Variants in CERS3 observed in about 807,000 individuals in gnomAD.
CERS3 encodes ceramide synthase 3.
A neutral mutation model predicts 50.3 loss-of-function variants in CERS3; 33 were observed. That is an observed-to-expected ratio of 0.66 (90% CI 0.50 to 0.88). CERS3 has a LOEUF of 0.88. Among genes scored for constraint, CERS3 ranks in the 40% least tolerant of loss-of-function variants. The pLI is 0.00. For synonymous variants in CERS3, 176 were observed against 155.2 expected, an observed-to-expected ratio of 1.13 and a Z score of -0.99; for missense variants, 470 against 460.3, an observed-to-expected ratio of 1.02 and a Z score of -0.19.
At chr15:100,499,078 T>A (rs2035919161) in intron 3 of CERS3, among the ~76,000 whole-genome samples, 1 of 152,182 alleles carries the variant, frequency 6.6e-6, no homozygotes, top group Non-Finnish European at 1.5e-5. Context: ...ATGGACATAC[T>A]GCCCCATCAT....
chr15:100,542,508 T>C (rs2037224750), intron 1 of CERS3, among the ~76,000 whole-genome samples: 1 of 152,214 alleles, frequency 6.6e-6, no homozygotes, highest in African/African-American at 2.4e-5. Context: ...TGATCTATTC[T>C]TAGTGTGATA....
At chr15:100,533,476 T>G (rs78053164), upstream of CERS3, among the ~76,000 whole-genome samples, 5,910 of 152,044 alleles carry the variant, frequency 0.039, 167 homozygotes, top group South Asian at 0.11. Context: ...ACCAATTCAT[T>G]GGGTTCTTTT....
chr15:100,467,833 A>T lies in CERS3; in HGVS notation c.845+1545T>A, dbSNP rs938268069. Reference sequence around the variant, plus strand: ...CGTCTATATATATGTGTATATATATACGTGTATATATATATATATAGATAG... The same window carrying T: ...CGTCTATATATATGTGTATATATATTCGTGTATATATATATATATAGATAG... On this transcript the variant is annotated intron_variant, in intron 10 of 11. Transcript: ENST00000679737. 1.1e-4 allele frequency among the ~76,000 whole-genome samples: 13 copies of T among 121,924 alleles called. 1 individual carries two copies. The highest frequency in any genetic ancestry group is 2.1e-4 in the Non-Finnish European group (13 of 61,054). 80.0% of individuals were successfully genotyped at this position (121,924 alleles called of 152,430 possible). A position where few individuals can be genotyped will look rare whatever the true frequency, so the allele number is the denominator to read the frequency against.
At chr15:100,533,245 C>T (rs1306156488), upstream of CERS3, among the ~76,000 whole-genome samples, 1 of 152,208 alleles carries the variant, frequency 6.6e-6, no homozygotes, top group Non-Finnish European at 1.5e-5. Context: ...TCCACGTCAC[C>T]TGTCACCTTC....
Position 100,400,475 on chromosome 15 carries a change from C to T in CERS3, c.*2238G>A, listed in dbSNP as rs1294621579. 1 of 152,154 alleles carries T rather than the reference C, an allele frequency of 6.6e-6. No individual in the cohort carries two copies. Among genetic ancestry groups the T allele is most frequent in the African/African-American group, 2.4e-5 (1 of 41,422 alleles). 9.4% of individuals were successfully genotyped at this position (152,154 alleles called of 1,614,324 possible). A position where few individuals can be genotyped will look rare whatever the true frequency, so the allele number is the denominator to read the frequency against. ...GTGGACTGCATTTTTATAAGGTCAT[C>T]TGAAGAATCCTGAGCCCTTGTTTCC... On this transcript the variant is annotated 3_prime_UTR_variant, in exon 12 of 12. Coordinates refer to ENST00000679737, the MANE Select transcript of CERS3 (RefSeq NM_001378789.1).
chr15:100,422,764 G>C (rs2032533338), intron 11 of CERS3, among the ~76,000 whole-genome samples: 1 of 133,264 alleles, frequency 7.5e-6, no homozygotes, highest in Admixed American at 7.9e-5. Flanking sequence ...CATAAAAAAT[G>C]ATGAGTTCAT....
At chr15:100,440,867 T>G (rs907015435) in intron 11 of CERS3, among the ~76,000 whole-genome samples, 2 of 152,244 alleles carry the variant, frequency 1.3e-5, no homozygotes, top group African/African-American at 4.8e-5. Flanking sequence ...TAATTTCAAT[T>G]CCTTTCATTT....
intron 10 of CERS3, among the ~76,000 whole-genome samples, chr15:100,465,522 TCAGAGAC>T: frequency 6.6e-6 from 1 of 152,318 alleles, no homozygotes; most frequent in Non-Finnish European, 1.5e-5. Flanking sequence ...CATACTTCCT[TCAGAGAC>T]CATTGAAAAT....
chr15:100,424,425 A>G (rs1182734143), intron 11 of CERS3, among the ~76,000 whole-genome samples: 1 of 152,206 alleles, frequency 6.6e-6, no homozygotes, highest in Admixed American at 6.5e-5. Context: ...GGAATTTCCT[A>G]GAGACTTGTT....
intron 11 of CERS3, among the ~76,000 whole-genome samples, chr15:100,412,185 G>T (rs73470762): frequency 0.044 from 6,752 of 151,796 alleles, 268 homozygotes; most frequent in African/African-American, 0.099. Context: ...TAAATTATTT[G>T]CCCTATGTTT....
At chr15:100,433,651 C>T (rs983774726) in intron 11 of CERS3, among the ~76,000 whole-genome samples, 6 of 152,210 alleles carry the variant, frequency 3.9e-5, no homozygotes, top group African/African-American at 7.2e-5. Flanking sequence ...CAGCTACCCT[C>T]ACTCCCTCAC....
chr15:100,476,176 G>T lies in CERS3; in HGVS notation c.519C>A (p.Pro173=), dbSNP rs759891442. ...AGTACCAGTACTGGGATGGCAGCAG[G>T]GGCTGAGGAAAAGAAGAGTATTCAT... is the stretch of plus-strand genomic sequence containing the variant. The part of the protein sequence containing the change: ...WEVWNGYPKQ[P]LLPSQYWYYI... The change falls in exon 8 of 12, where the codon CCC becomes CCA. Residue 173 remains proline, a splice_region_variant and synonymous_variant. Transcript: ENST00000679737. 1 of 1,558,464 alleles carries T rather than the reference G, an allele frequency of 6.4e-7. No individual in the cohort carries two copies. Among genetic ancestry groups the T allele is most frequent in the South Asian group, 1.2e-5 (1 of 81,644 alleles).
chr15:100,500,798 G>T (rs1390465102), intron 3 of CERS3, among the ~76,000 whole-genome samples: 1 of 152,158 alleles, frequency 6.6e-6, no homozygotes, highest in Admixed American at 6.5e-5. Flanking sequence ...AAGAGTTCAT[G>T]AAACAGAGTT....
Position 100,494,210 on chromosome 15 carries a change from CATATATAT to C in CERS3, c.174-3287_174-3280del, listed in dbSNP as rs1170051830. On this transcript the variant is annotated intron_variant, in intron 3 of 11. Coordinates refer to ENST00000679737, the MANE Select transcript of CERS3 (RefSeq NM_001378789.1). Reference sequence around the variant, plus strand: ...TTTGCTTAGTCACCTTTTTTCTTTTCATATATATATATATATATATATATATATATATA... The same window carrying C: ...TTTGCTTAGTCACCTTTTTTCTTTTCATATATATATATATATATATATATA... Among the ~76,000 whole-genome samples, 464 of 78,076 alleles carry C rather than the reference CATATATAT, an allele frequency of 5.9e-3. 5 individuals carry two copies. Among genetic ancestry groups the C allele is most frequent in the African/African-American group, 0.025 (439 of 17,860 alleles). 51.2% of individuals were successfully genotyped at this position (78,076 alleles called of 152,430 possible).
chr15:100,442,657 A>G (rs2587812), intron 11 of CERS3, among the ~76,000 whole-genome samples: 150,082 of 151,996 alleles, frequency 0.99, 74,111 homozygotes, highest in Middle Eastern at 1. Flanking sequence ...ACTGAAAATC[A>G]GACTGTTCAA....
chr15:100,406,652 C>T (rs2031049673), intron 11 of CERS3, among the ~76,000 whole-genome samples: 1 of 152,150 alleles, frequency 6.6e-6, no homozygotes, highest in South Asian at 2.1e-4. Context: ...CTCTGATATG[C>T]TGGGAGCCAG....
chr15:100,503,818 G>T, intron 2 of CERS3: 1 of 461,142 alleles, frequency 2.2e-6, no homozygotes. Context: ...GGTTTGGCCA[G>T]AGCAGTGGGG....
Position 100,523,648 on chromosome 15 carries a change from C to T in CERS3, c.-91-1892G>A, listed in dbSNP as rs564651486. ...CCTAGGAGGCGGAGCTTGCAGTGAG[C>T]GGAGATTGCACCACTGCACTCCAGC... On this transcript the variant is annotated intron_variant, in intron 1 of 11. Coordinates refer to ENST00000679737, the MANE Select transcript of CERS3 (RefSeq NM_001378789.1). Among the ~76,000 whole-genome samples, 3 of 141,470 alleles carry T rather than the reference C, an allele frequency of 2.1e-5. No homozygotes were observed. The East Asian group carries it at 6.2e-4, about 29-fold the overall frequency. The allele number at this position is 141,470 out of a possible 152,430, so 92.8% of individuals were successfully genotyped here. A position where few individuals can be genotyped will look rare whatever the true frequency, so the allele number is the denominator to read the frequency against.
intron 2 of CERS3, chr15:100,503,730 G>A: frequency 2.1e-6 from 1 of 470,974 alleles, no homozygotes; most frequent in Non-Finnish European, 4.4e-6. Flanking sequence ...TTCTGGCAGT[G>A]GTGTGAAGCA....
Sources: gnomAD v4.1 joint callset for allele counts (sites outside exome capture counted in the v4.1 genomes callset) on GRCh38, gnomAD v4.1.1 for gene constraint, MANE v1.5 for transcripts, NCBI Gene and HGNC (gene_info 2026-07-23, HGNC 2026-07-21) for gene names.